ERGIC2: variants seen among roughly 807,000 people sequenced by gnomAD.
ERGIC2 encodes endoplasmic reticulum-Golgi intermediate compartment protein 2.
ERGIC2 carries 31 observed loss-of-function variants against 52.5 expected under a neutral mutation model. The observed-to-expected ratio is 0.59, with a 90% CI of 0.44 to 0.80. The LOEUF (loss-of-function observed/expected upper bound fraction) is 0.80. ERGIC2 is among the 30% of genes least tolerant of loss of function. The probability of loss-of-function intolerance (pLI) is 0.00; values close to 1 mark genes in which losing one functional copy is unlikely to be tolerated. For synonymous variants in ERGIC2, 129 were observed against 140.6 expected (o/e 0.92, Z 0.58); for missense variants, 395 against 455.2 (o/e 0.87, Z 1.20).
At chr12:29,374,635 T>C (rs1449058016) in intron 1 of ERGIC2, among the ~76,000 whole-genome samples, 2 of 152,228 alleles carry the variant, frequency 1.3e-5, no homozygotes, top group African/African-American at 4.8e-5. Context: ...CCTGTATCTA[T>C]CTTAATGATA....
chr12:29,365,179 A>T (rs974109968), intron 5 of ERGIC2, among the ~76,000 whole-genome samples: 2 of 152,174 alleles, frequency 1.3e-5, no homozygotes, highest in African/African-American at 4.8e-5. Context: ...AGCACCATTC[A>T]CAATAGCGAA....
chr12:29,381,143 T>A lies in ERGIC2; in HGVS notation c.-66A>T, dbSNP rs913115439. On this transcript the variant is annotated 5_prime_UTR_variant, in exon 1 of 14. An upstream start codon of the reference 5' UTR is lost. Transcript: ENST00000360150. The stretch of plus-strand genomic sequence containing the variant: ...GTGTTATGGTCCCAGCCTACCGCCA[T>A]GTTTCACAGAAGCCCGGGTCGCCGG... The A allele has an allele frequency of 6.6e-6, 1 of 152,210 alleles. No individual in the cohort carries two copies. Among genetic ancestry groups the A allele is most frequent in the Non-Finnish European group, 1.5e-5 (1 of 68,040 alleles). The allele number at this position is 152,210 out of a possible 1,614,324, so 9.4% of individuals were successfully genotyped here. A position where few individuals can be genotyped will look rare whatever the true frequency, so the allele number is the denominator to read the frequency against.
In ERGIC2 at chr12:29,368,269, T is replaced by C. The variant is rs1458913919; in HGVS notation, c.234A>G (p.Ile78Met). The change falls in exon 4 of 14, where the codon ATA becomes ATG. Residue 78 changes from isoleucine (I) to methionine (M), a missense_variant. Coordinates refer to ENST00000360150, the MANE Select transcript of ERGIC2 (RefSeq NM_016570.3). ...KDFSSKLRIN[I>M]DITVAMKCQY... The stretch of plus-strand genomic sequence containing the variant: ...GACACTTCATGGCAACAGTAATATC[T>C]ATATTAATTCTTAATTTGCTGAAAG... 4.5e-6 allele frequency: 7 copies of C among 1,552,692 alleles called. No individual in the cohort carries two copies. Among genetic ancestry groups the C allele is most frequent in the East Asian group, 2.3e-5 (1 of 44,338 alleles).
intron 1 of ERGIC2, 76 bp from the exon 2 acceptor site, chr12:29,371,746 GACA>G: frequency 1.5e-6 from 1 of 667,886 alleles, no homozygotes; most frequent in Non-Finnish European, 2.5e-6. Flanking sequence ...TAGGATAACT[GACA>G]AATGTCCTTA....
At position 29,370,110 on chromosome 12, in the gene ERGIC2, T is replaced by C. The variant is rs760723992; in HGVS notation, c.215+4A>G. ...GGTATTCCAAGAAGAAAAAAAATGA[T>C]TACCTAGAAAAATCCTTGTCTACTT... On this transcript the variant is annotated splice_donor_region_variant and intron_variant, in intron 3 of 13. Transcript: ENST00000360150. The C allele has an allele frequency of 8.7e-6, 13 of 1,496,002 alleles. No homozygotes were observed. In the South Asian group the frequency reaches 1.7e-4, roughly 19 times the overall value. The allele number at this position is 1,496,002 out of a possible 1,614,324, so 92.7% of individuals were successfully genotyped here.
intron 1 of ERGIC2, among the ~76,000 whole-genome samples, chr12:29,380,102 G>A (rs905664950): frequency 2.7e-5 from 4 of 148,918 alleles, no homozygotes; most frequent in African/African-American, 7.4e-5. Flanking sequence ...TCCCTGCACC[G>A]CCAACCCCCA....
chr12:29,376,598 CAT>C (rs1430414456), intron 1 of ERGIC2, among the ~76,000 whole-genome samples: 1 of 152,158 alleles, frequency 6.6e-6, no homozygotes, highest in East Asian at 1.9e-4. Context: ...ATCCAAAACA[CAT>C]TTACCTCCCC....
Position 29,349,032 on chromosome 12 carries a change from C to G in ERGIC2, c.727+47G>C, listed in dbSNP as rs758080491. ...AATGTATTAATATTCAGGTTATAAG[C>G]AAAATTTTCTACATGTAAAATCCAA... On this transcript the variant is annotated intron_variant, in intron 10 of 13. Transcript: ENST00000360150. 4.9e-6 allele frequency: 5 copies of G among 1,015,490 alleles called. No homozygotes were observed. The South Asian group carries it at 5.9e-5, about 12-fold the overall frequency. The allele number at this position is 1,015,490 out of a possible 1,614,324, so 62.9% of individuals were successfully genotyped here. A position where few individuals can be genotyped will look rare whatever the true frequency, so the allele number is the denominator to read the frequency against.
intron 12 of ERGIC2, 134 bp from the exon 13 acceptor site, chr12:29,341,950 A>C (rs558238335): frequency 3.8e-6 from 2 of 525,540 alleles, no homozygotes; most frequent in South Asian, 5.2e-5. Flanking sequence ...AAAAATAATC[A>C]AGAAAGATTT....
At position 29,341,143 on chromosome 12, in the gene ERGIC2, C is replaced by G; in HGVS notation, c.*13G>C. On this transcript the variant is annotated 3_prime_UTR_variant, in exon 14 of 14. Transcript: ENST00000360150. ...TCTCAGGCAAAAAGTTTTTCTCCTTCAATCGGGAGGTGTTAATGTGTATTA... is the reference window on the plus strand; with the variant it reads ...TCTCAGGCAAAAAGTTTTTCTCCTTGAATCGGGAGGTGTTAATGTGTATTA... The G allele has an allele frequency of 6.3e-7, 1 of 1,595,688 alleles. No individual in the cohort carries two copies. Among genetic ancestry groups the G allele is most frequent in the Non-Finnish European group, 8.6e-7 (1 of 1,168,324 alleles).
rs543824929 is a variant in ERGIC2, at chr12:29,370,238, A to G, written c.107-16T>C. The G allele has an allele frequency of 8.5e-6, 13 of 1,530,734 alleles. No homozygotes were observed. In the South Asian group the frequency reaches 1.1e-4, roughly 12 times the overall value. The allele number at this position is 1,530,734 out of a possible 1,614,324, so 94.8% of individuals were successfully genotyped here. On this transcript the variant is annotated splice_polypyrimidine_tract_variant and intron_variant, in intron 2 of 13. Coordinates refer to ENST00000360150, the MANE Select transcript of ERGIC2 (RefSeq NM_016570.3). ...ATTAGAGAAACTGGGAAATCCAACAACAAAAGAAAAACAGAATTAAAACAA... is the reference window on the plus strand; with the variant it reads ...ATTAGAGAAACTGGGAAATCCAACAGCAAAAGAAAAACAGAATTAAAACAA...
In ERGIC2 at chr12:29,371,538, A is replaced by G; in HGVS notation, c.96T>C (p.Ser32=). 5.6e-6 allele frequency: 9 copies of G among 1,606,408 alleles called. No homozygotes were observed. The highest frequency in any genetic ancestry group is 7.7e-6 in the Non-Finnish European group (9 of 1,175,976). The change falls in exon 2 of 14, where the codon AGT becomes AGC. Residue 32 remains serine (S), a synonymous_variant. Coordinates refer to ENST00000360150, the MANE Select transcript of ERGIC2 (RefSeq NM_016570.3). The stretch of plus-strand genomic sequence containing the variant: ...TTAACTGATACTCACCTGTACCTCC[A>G]CTGGCTGAAGTCTCTACATAGCTCT... ...VPESYVETSA[S]GGTVSLIAFT... is the part of the protein sequence containing the mutation.
chr12:29,357,749 A>G (rs1273139735), intron 6 of ERGIC2, 25 bp from the exon 7 acceptor site: 2 of 1,335,486 alleles, frequency 1.5e-6, no homozygotes, highest in Non-Finnish European at 2.2e-6. Context: ...ATAATTTAGA[A>G]CTACAGAAAG....
intron 5 of ERGIC2, among the ~76,000 whole-genome samples, chr12:29,364,043 C>G (rs967254087): frequency 6.6e-5 from 10 of 152,094 alleles, no homozygotes; most frequent in African/African-American, 2.4e-4. Context: ...TGTAAACTTT[C>G]ATGAATTTAT....
chr12:29,368,528 G>C (rs1014350127), intron 3 of ERGIC2, among the ~76,000 whole-genome samples: 1 of 151,638 alleles, frequency 6.6e-6, no homozygotes, highest in African/African-American at 2.4e-5. Flanking sequence ...TTTAATAATG[G>C]CAACTCTATA....
intron 10 of ERGIC2, among the ~76,000 whole-genome samples, chr12:29,347,219 TTC>T (rs1372694539): frequency 2.0e-5 from 3 of 152,298 alleles, no homozygotes; most frequent in East Asian, 3.9e-4. Flanking sequence ...AGTATAGGCA[TTC>T]TCTCTCTTAA....
intron 6 of ERGIC2, 104 bp from the exon 7 acceptor site, chr12:29,357,828 T>A: frequency 1.4e-6 from 1 of 734,546 alleles, no homozygotes; most frequent in Non-Finnish European, 2.4e-6. Flanking sequence ...ATCATACATT[T>A]ATTATTACAG....
chr12:29,345,891 G>A (rs1042840899), intron 10 of ERGIC2, among the ~76,000 whole-genome samples: 7 of 152,064 alleles, frequency 4.6e-5, no homozygotes, highest in Admixed American at 3.3e-4. Flanking sequence ...AGGCTGCAGT[G>A]AGCCATGATT....
At chr12:29,374,555 G>A (rs746804588) in intron 1 of ERGIC2, among the ~76,000 whole-genome samples, 1 of 152,034 alleles carries the variant, frequency 6.6e-6, no homozygotes, top group Non-Finnish European at 1.5e-5. Context: ...CTTTTCATTT[G>A]GACATTCCAA....
Sources: gnomAD v4.1 joint callset for allele counts (sites outside exome capture counted in the v4.1 genomes callset) on GRCh38, gnomAD v4.1.1 for gene constraint, MANE v1.5 for transcripts, NCBI Gene and HGNC (gene_info 2026-07-23, HGNC 2026-07-21) for gene names.